Variants in ARHGEF33 observed in about 807,000 individuals in gnomAD.
ARHGEF33 encodes the protein Rho guanine nucleotide exchange factor 33.
In ARHGEF33, 72 loss-of-function variants were observed where a neutral mutation model predicts 101.9. The ratio of observed to expected loss-of-function variants is 0.71; its 90% CI spans 0.58 to 0.86. The LOEUF is 0.86. Ranked by LOEUF, ARHGEF33 falls within the 40% of genes least tolerant of loss-of-function variation. The pLI, the probability that ARHGEF33 is intolerant of heterozygous loss-of-function variation, is 0.00. For synonymous variants in ARHGEF33, 499 were observed against 442.5 expected (o/e 1.13, Z -1.60); for missense variants, 1,169 against 1,111.3 (o/e 1.05, Z -0.74).
rs1050901778 is a variant in ARHGEF33, at chr2:38,911,822, A to G, written c.-85-7541A>G. ...GCCCAGGAGGTTGAGGCAGTGAGCCATGATCATGCCACTGTACTTTGGCCT... is the reference window on the plus strand; with the variant it reads ...GCCCAGGAGGTTGAGGCAGTGAGCCGTGATCATGCCACTGTACTTTGGCCT... On this transcript the variant is annotated intron_variant, in intron 2 of 17. Coordinates refer to ENST00000409978, the MANE Select transcript of ARHGEF33 (RefSeq NM_001145451.5). Among the ~76,000 whole-genome samples, 4 of 152,282 alleles carry G rather than the reference A, an allele frequency of 2.6e-5. No individual in the cohort carries two copies. In the South Asian group the frequency reaches 8.3e-4, roughly 32 times the overall value.
intron 1 of ARHGEF33, among the ~76,000 whole-genome samples, chr2:38,894,882 C>T (rs1393643891): frequency 2.0e-5 from 3 of 152,052 alleles, no homozygotes; most frequent in African/African-American, 7.2e-5. Flanking sequence ...GAGCCAGTAT[C>T]AGGCCTTACA....
intron 17 of ARHGEF33, among the ~76,000 whole-genome samples, chr2:38,966,663 T>A (rs1258639230): frequency 6.6e-6 from 1 of 152,234 alleles, no homozygotes; most frequent in Non-Finnish European, 1.5e-5. Flanking sequence ...TTGGCCCTAG[T>A]TAGAAATCAC....
At chr2:38,898,324 A>G (rs1477722051) in intron 2 of ARHGEF33, among the ~76,000 whole-genome samples, 4 of 152,224 alleles carry the variant, frequency 2.6e-5, no homozygotes, top group African/African-American at 9.6e-5. Flanking sequence ...TGCGTGTCAA[A>G]CACAAAATTT....
chr2:38,956,728 G>C (rs559796723), intron 13 of ARHGEF33, among the ~76,000 whole-genome samples, 171 bp from the exon 14 acceptor site: 1 of 152,328 alleles, frequency 6.6e-6, no homozygotes, highest in South Asian at 2.1e-4. Context: ...ATGATAGAGA[G>C]CAGCCAGTTT....
chr2:38,949,326 T>C (rs1217673172), intron 10 of ARHGEF33, among the ~76,000 whole-genome samples: 1 of 152,202 alleles, frequency 6.6e-6, no homozygotes, highest in Admixed American at 6.5e-5. Context: ...GCTGAAAGCA[T>C]AAAGGAACCT....
At chr2:38,930,843 C>G (rs1240688185) in intron 6 of ARHGEF33, among the ~76,000 whole-genome samples, 1 of 151,840 alleles carries the variant, frequency 6.6e-6, no homozygotes, top group African/African-American at 2.4e-5. Flanking sequence ...GATAAGGAAG[C>G]CAGCAACAAA....
Position 38,965,988 on chromosome 2 carries a change from CCT to C in ARHGEF33, c.2344-15_2344-14del. 1 of 1,549,726 alleles carries C rather than the reference CCT, an allele frequency of 6.5e-7. No homozygotes were observed. Among genetic ancestry groups the C allele is most frequent in the East Asian group, 2.4e-5 (1 of 40,844 alleles). On this transcript the variant is annotated splice_polypyrimidine_tract_variant and intron_variant, in intron 16 of 17. Transcript: ENST00000409978. ...ATTGGAAGGAGTAAAGAAAAAAATCCCTCTTTTTTGTTTCCAGGAGATGCATT... is the reference window on the plus strand; with the variant it reads ...ATTGGAAGGAGTAAAGAAAAAAATCCCTTTTTTGTTTCCAGGAGATGCATT...
At chr2:38,932,928 C>CCATG (rs1667039804) in intron 7 of ARHGEF33, among the ~76,000 whole-genome samples, 1 of 152,164 alleles carries the variant, frequency 6.6e-6, no homozygotes, top group African/African-American at 2.4e-5. Context: ...GAATAATGTG[C>CCATG]CATGATAAGA....
chr2:38,944,162 G>A, intron 10 of ARHGEF33, 132 bp downstream of exon 10: 1 of 910,978 alleles, frequency 1.1e-6, no homozygotes, highest in Non-Finnish European at 1.6e-6. Flanking sequence ...AGAAGAGGCA[G>A]TGATGGCAGA....
At chr2:38,929,931 G>T in intron 6 of ARHGEF33, 101 bp downstream of exon 6, 1 of 1,035,658 alleles carries the variant, frequency 9.7e-7, no homozygotes, top group Non-Finnish European at 1.4e-6. Flanking sequence ...TAGCTAGCTG[G>T]CCACTGTGCT....
At chr2:38,919,032 C>T (rs1174615197) in intron 2 of ARHGEF33, among the ~76,000 whole-genome samples, 1 of 152,100 alleles carries the variant, frequency 6.6e-6, no homozygotes, top group Non-Finnish European at 1.5e-5. Context: ...GGTGACAGAA[C>T]AAGACCCTGT....
intron 1 of ARHGEF33, among the ~76,000 whole-genome samples, chr2:38,890,226 G>A (rs1404590457): frequency 2.6e-5 from 4 of 152,056 alleles, no homozygotes; most frequent in Non-Finnish European, 5.9e-5. Flanking sequence ...GCAGGTTATC[G>A]ATAAACTGGA....
chr2:38,968,100 T>C (rs1356739389), intron 17 of ARHGEF33, among the ~76,000 whole-genome samples: 1 of 151,944 alleles, frequency 6.6e-6, no homozygotes, highest in Admixed American at 6.5e-5. Context: ...ATCAGAGAGA[T>C]GTAAGAAAAT....
intron 17 of ARHGEF33, among the ~76,000 whole-genome samples, chr2:38,966,697 T>C (rs1357715077): frequency 1.3e-5 from 2 of 152,210 alleles, no homozygotes; most frequent in Non-Finnish European, 2.9e-5. Context: ...CTGTATTCCA[T>C]AGGAGGCAAA....
intron 10 of ARHGEF33, among the ~76,000 whole-genome samples, chr2:38,947,904 T>G (rs2124408063): frequency 6.6e-6 from 1 of 152,166 alleles, no homozygotes; most frequent in East Asian, 1.9e-4. Flanking sequence ...AGCTCAGGAG[T>G]TATTTTGGCC....
Position 38,928,987 on chromosome 2 carries a change from T to C in ARHGEF33, c.156T>C (p.Tyr52=), listed in dbSNP as rs1402115684. Residue 52 remains tyrosine (Y), a synonymous_variant, in exon 5 of 18, where the codon TAT becomes TAC. Transcript: ENST00000409978. ...TGTCAAGAATTCAACATGGAGAATA[T>C]GCTTTGGAAGAAAAGGTTAAGAGCT... ...QELSRIQHGE[Y]ALEEKVKSCR... The C allele has an allele frequency of 1.9e-6, 3 of 1,551,628 alleles. No homozygotes were observed. The highest frequency in any genetic ancestry group is 2.4e-5 in the East Asian group (1 of 40,920).
At chr2:38,918,569 T>C (rs914563564) in intron 2 of ARHGEF33, among the ~76,000 whole-genome samples, 1 of 152,196 alleles carries the variant, frequency 6.6e-6, no homozygotes, top group Non-Finnish European at 1.5e-5. Context: ...CATTCTGACC[T>C]TGCAGCTTCA....
chr2:38,929,958 G>A (rs989854725), intron 6 of ARHGEF33, 128 bp downstream of exon 6: 21 of 720,098 alleles, frequency 2.9e-5, no homozygotes, highest in African/African-American at 7.1e-5. Flanking sequence ...CTTGGCATGC[G>A]ATGGAGGTTA....
Position 38,937,387 on chromosome 2 carries a change from G to A in ARHGEF33, c.618G>A (p.Ser206=), listed in dbSNP as rs370980706. The A allele has an allele frequency of 9.7e-5, 148 of 1,533,348 alleles. No individual in the cohort carries two copies. In the African/African-American group the frequency reaches 1.3e-3, roughly 13 times the overall value. 95.0% of individuals were successfully genotyped at this position (1,533,348 alleles called of 1,614,324 possible). ...AAGAAAACCTCAAGTCTTGCCTCTC[G>A]GCTGATATCCAGTCCAAGGGCCATC... ...EAEENLKSCL[S]ADIQSKGHLP... The change falls in exon 9 of 18, where the codon TCG becomes TCA. Residue 206 remains serine (S), a synonymous_variant. Transcript: ENST00000409978.
Sources: allele counts gnomAD v4.1 joint callset (sites outside exome capture counted in the v4.1 genomes callset), GRCh38; gene constraint gnomAD v4.1.1; transcripts MANE v1.5; gene names NCBI Gene and HGNC (gene_info 2026-07-23, HGNC 2026-07-21).